FHIT: variants seen among roughly 807,000 people sequenced by gnomAD.
FHIT encodes fragile histidine triad diadenosine triphosphatase.
In FHIT, 19 loss-of-function variants were observed where a neutral mutation model predicts 17.9. The observed-to-expected ratio is 1.06, with a 90% CI of 0.74 to 1.56. The LOEUF (loss-of-function observed/expected upper bound fraction) is 1.56. Among genes scored for constraint, FHIT ranks in the 40% most tolerant of loss-of-function variants. The pLI, the probability that FHIT is intolerant of heterozygous loss-of-function variation, is 0.00. For missense variants in FHIT, 248 were observed against 189.2 expected, an observed-to-expected ratio of 1.31 and a Z score of -1.82; for synonymous variants, 81 against 69.7, an observed-to-expected ratio of 1.16 and a Z score of -0.81.
At chr3:59,750,108 A>C (rs926422143) in intron 9 of FHIT, 1 of 226,588 alleles carries the variant, frequency 4.4e-6, no homozygotes, top group African/African-American at 2.2e-5. Flanking sequence ...AGGGAAGTCA[A>C]TTTACCTGGA....
chr3:59,967,352 C>T (rs1003401325), intron 7 of FHIT, among the ~76,000 whole-genome samples: 2 of 152,104 alleles, frequency 1.3e-5, no homozygotes, highest in Non-Finnish European at 2.9e-5. Context: ...GTATTATGTA[C>T]TGAACATAAC....
chr3:61,025,964 T>G (rs1004825925), intron 3 of FHIT, among the ~76,000 whole-genome samples: 2 of 152,338 alleles, frequency 1.3e-5, no homozygotes, highest in African/African-American at 2.4e-5. Flanking sequence ...CTATTATATA[T>G]TATTTTCATT....
Position 61,161,305 on chromosome 3 carries a change from G to A in FHIT, c.-164+39312C>T, listed in dbSNP as rs140159006. Among the ~76,000 whole-genome samples the A allele has an allele frequency of 1.3e-3, 199 of 151,986 alleles. 1 individual carries two copies. Among genetic ancestry groups the A allele is most frequent in the African/African-American group, 4.6e-3 (192 of 41,470 alleles). ...GCAACCTCCACCTCCAGATCCAAGT[G>A]ATTCTCTTGCCTCAGCCTCCCAGGT... On this transcript the variant is annotated intron_variant, in intron 2 of 9. Transcript: ENST00000492590.
intron 5 of FHIT, among the ~76,000 whole-genome samples, chr3:60,404,657 T>C (rs1258544872): frequency 6.6e-6 from 1 of 152,176 alleles, no homozygotes; most frequent in Non-Finnish European, 1.5e-5. Flanking sequence ...GGACCACACC[T>C]GTCTTTTGAA....
intron 4 of FHIT, among the ~76,000 whole-genome samples, chr3:60,561,119 A>G (rs1444836133): frequency 6.6e-6 from 1 of 152,000 alleles, no homozygotes; most frequent in Non-Finnish European, 1.5e-5. Context: ...AATGTATCTT[A>G]GAAGAGCCTA....
intron 1 of FHIT, among the ~76,000 whole-genome samples, chr3:61,232,302 G>A (rs1235018507): frequency 6.6e-6 from 1 of 152,194 alleles, no homozygotes; most frequent in Non-Finnish European, 1.5e-5. Context: ...CACGAGAATC[G>A]CTTGAACCAG....
At chr3:60,927,520 A>G (rs528109890) in intron 3 of FHIT, among the ~76,000 whole-genome samples, 6 of 150,544 alleles carry the variant, frequency 4.0e-5, no homozygotes, top group African/African-American at 1.5e-4. Context: ...CCTGGCCTTC[A>G]CCCCGTGTAG....
chr3:60,349,189 G>A lies in FHIT; in HGVS notation c.103+187671C>T, dbSNP rs187851077. Among the ~76,000 whole-genome samples the A allele has an allele frequency of 1.2e-3, 179 of 152,226 alleles. 3 individuals carry two copies. The highest frequency in any genetic ancestry group is 1.5e-5 in the Non-Finnish European group (1 of 68,002). On this transcript the variant is annotated intron_variant, in intron 5 of 9. Transcript: ENST00000492590. Reference sequence around the variant, plus strand: ...ATTTTCTATTTTTTAAAAGAGAAAAGACAAAATTAAATTTGTATGCACAGT... The same window carrying A: ...ATTTTCTATTTTTTAAAAGAGAAAAAACAAAATTAAATTTGTATGCACAGT...
intron 8 of FHIT, among the ~76,000 whole-genome samples, chr3:59,850,965 A>G (rs1241587179): frequency 1.3e-5 from 2 of 152,208 alleles, no homozygotes; most frequent in African/African-American, 2.4e-5. Context: ...AATACTTTCT[A>G]CTTCTAATAG....
At chr3:61,162,191 G>T (rs930929529) in intron 2 of FHIT, among the ~76,000 whole-genome samples, 5 of 152,094 alleles carry the variant, frequency 3.3e-5, no homozygotes, top group African/African-American at 1.2e-4. Context: ...TTTCTCTGTT[G>T]TAAACCCTCT....
chr3:60,168,828 C>T (rs1701294259), intron 5 of FHIT, among the ~76,000 whole-genome samples: 1 of 152,146 alleles, frequency 6.6e-6, no homozygotes, highest in Non-Finnish European at 1.5e-5. Flanking sequence ...CCACAGCAGT[C>T]AAGCATCTGA....
intron 5 of FHIT, among the ~76,000 whole-genome samples, chr3:60,415,635 G>T (rs2611408): frequency 0.93 from 141,599 of 151,914 alleles, 66,521 homozygotes; most frequent in East Asian, 1. Flanking sequence ...TTAAAGTCTT[G>T]TCCACTGATA....
intron 2 of FHIT, among the ~76,000 whole-genome samples, chr3:61,196,487 G>GGACT (rs2038856976): frequency 1.3e-5 from 2 of 152,008 alleles, no homozygotes; most frequent in African/African-American, 4.8e-5. Flanking sequence ...TCTTAAAAGT[G>GGACT]TACAATAAAG....
intron 5 of FHIT, among the ~76,000 whole-genome samples, chr3:60,296,973 G>C (rs1391657466): frequency 6.7e-6 from 1 of 150,274 alleles, no homozygotes; most frequent in East Asian, 2.0e-4. Context: ...TCTGTTTCTG[G>C]GTTCTCTATT....
At chr3:60,501,001 A>T (rs2034503425) in intron 5 of FHIT, among the ~76,000 whole-genome samples, 1 of 152,072 alleles carries the variant, frequency 6.6e-6, no homozygotes, top group African/African-American at 2.4e-5. Flanking sequence ...TAATGGCAAA[A>T]ACCTCAATTG....
chr3:60,195,288 G>A (rs556784077), intron 5 of FHIT, among the ~76,000 whole-genome samples: 21 of 151,984 alleles, frequency 1.4e-4, no homozygotes, highest in African/African-American at 1.9e-4. Context: ...GTAAAAAAGG[G>A]AACATTTATA....
At chr3:60,089,518 A>G (rs549687164) in intron 5 of FHIT, among the ~76,000 whole-genome samples, 2 of 152,270 alleles carry the variant, frequency 1.3e-5, no homozygotes, top group South Asian at 4.1e-4. Context: ...GAGGCCAGCT[A>G]GTCACCCATA....
At chr3:60,852,040 C>A (rs573890280) in intron 3 of FHIT, among the ~76,000 whole-genome samples, 4 of 152,178 alleles carry the variant, frequency 2.6e-5, no homozygotes, top group East Asian at 1.9e-4. Context: ...TTTGGACACA[C>A]TTTTAATATT....
intron 5 of FHIT, among the ~76,000 whole-genome samples, chr3:60,283,729 T>C (rs1469472358): frequency 2.6e-5 from 4 of 152,256 alleles, no homozygotes; most frequent in African/African-American, 9.6e-5. Flanking sequence ...CAGAAGACTG[T>C]CTTCCTGACC....
Sources: gnomAD v4.1 joint callset for allele counts (sites outside exome capture counted in the v4.1 genomes callset) on GRCh38, gnomAD v4.1.1 for gene constraint, MANE v1.5 for transcripts, NCBI Gene and HGNC (gene_info 2026-07-23, HGNC 2026-07-21) for gene names.